KCTD8: variants seen among roughly 807,000 people sequenced by gnomAD.
The protein encoded by KCTD8 is BTB/POZ domain-containing protein KCTD8.
Under a neutral mutation model 31.5 loss-of-function variants are expected in KCTD8, and 27 were observed. The ratio of observed to expected loss-of-function variants is 0.86; its 90% CI spans 0.63 to 1.18. The LOEUF (loss-of-function observed/expected upper bound fraction) is 1.18. KCTD8 is among the 50% of genes most tolerant of loss of function. The pLI is 0.00. For missense variants in KCTD8, 658 were observed against 647.7 expected (o/e 1.02, Z -0.17); for synonymous variants, 290 against 280.0 (o/e 1.04, Z -0.36).
At chr4:44,272,120 AT>A (rs398107264) in intron 1 of KCTD8, among the ~76,000 whole-genome samples, 1 of 113,216 alleles carries the variant, frequency 8.8e-6, no homozygotes, top group African/African-American at 5.4e-5. Context: ...ATGGTATTAT[AT>A]TATATATATA....
chr4:44,229,522 C>T (rs888101366), intron 1 of KCTD8, among the ~76,000 whole-genome samples: 2 of 152,162 alleles, frequency 1.3e-5, no homozygotes, highest in African/African-American at 2.4e-5. Context: ...GGGCACTGCA[C>T]ATGTGGGCAG....
chr4:44,200,941 A>AAGTTAT (rs1714128420), intron 1 of KCTD8, among the ~76,000 whole-genome samples: 1 of 152,106 alleles, frequency 6.6e-6, no homozygotes, highest in Non-Finnish European at 1.5e-5. Flanking sequence ...CCTGAAACTG[A>AAGTTAT]TAAACAACTT....
At chr4:44,396,060 G>C (rs1454261054) in intron 1 of KCTD8, among the ~76,000 whole-genome samples, 1 of 152,044 alleles carries the variant, frequency 6.6e-6, no homozygotes, top group Non-Finnish European at 1.5e-5. Context: ...ATCAGTGGGA[G>C]CCCTGAGCTT....
intron 1 of KCTD8, among the ~76,000 whole-genome samples, chr4:44,235,577 TTAGAG>T (rs1560402141): frequency 0.011 from 440 of 38,736 alleles, no homozygotes; most frequent in African/African-American, 0.032. Flanking sequence ...ATATATATAT[TTAGAG>T]AGAGAGAGAG....
chr4:44,391,920 T>G (rs1004209303), intron 1 of KCTD8, among the ~76,000 whole-genome samples: 3 of 151,988 alleles, frequency 2.0e-5, no homozygotes, highest in Non-Finnish European at 4.4e-5. Context: ...CAAATCAGTC[T>G]TCTTAAATTT....
intron 1 of KCTD8, among the ~76,000 whole-genome samples, chr4:44,188,210 C>A (rs941286901): frequency 6.6e-6 from 1 of 152,118 alleles, no homozygotes; most frequent in African/African-American, 2.4e-5. Flanking sequence ...AATATGAGTG[C>A]CGCTTCTTTT....
intron 1 of KCTD8, among the ~76,000 whole-genome samples, chr4:44,203,801 A>G (rs1166255096): frequency 1.3e-5 from 2 of 151,928 alleles, no homozygotes; most frequent in Non-Finnish European, 2.9e-5. Flanking sequence ...ACGATATAAT[A>G]TTAATAAGTT....
intron 1 of KCTD8, among the ~76,000 whole-genome samples, chr4:44,401,105 A>G (rs1205486408): frequency 7.1e-6 from 1 of 141,764 alleles, no homozygotes; most frequent in Non-Finnish European, 1.5e-5. Context: ...CTCCCAACTC[A>G]GCCTCCCAAA....
rs1714235294 is a variant in KCTD8, at chr4:44,204,231, T to C, written c.962-28981A>G. On this transcript the variant is annotated intron_variant, in intron 1 of 1. Transcript: ENST00000360029. ...ACTTCAGAGTGAAGTATCAGAAGTA[T>C]TTCCATTTAAGGTAGGAGACCACCC... is the stretch of plus-strand genomic sequence containing the variant. 2.0e-5 allele frequency among the ~76,000 whole-genome samples: 3 copies of C among 152,158 alleles called. No individual in the cohort carries two copies. The South Asian group carries it at 6.2e-4, about 32-fold the overall frequency.
chr4:44,342,330 C>G (rs1718923894), intron 1 of KCTD8, among the ~76,000 whole-genome samples: 1 of 142,268 alleles, frequency 7.0e-6, no homozygotes, highest in Non-Finnish European at 1.5e-5. Flanking sequence ...GATTGGGCCA[C>G]TGTACTCCAG....
chr4:44,316,835 G>GAAA (rs1718131384), intron 1 of KCTD8, among the ~76,000 whole-genome samples: 1 of 132,474 alleles, frequency 7.5e-6, no homozygotes, highest in Non-Finnish European at 1.6e-5. Context: ...AAGATAAGCC[G>GAAA]AGCTTGGTGG....
At chr4:44,360,054 G>T (rs928070644) in intron 1 of KCTD8, among the ~76,000 whole-genome samples, 3 of 151,906 alleles carry the variant, frequency 2.0e-5, no homozygotes, top group African/African-American at 7.2e-5. Flanking sequence ...TGATACAGGG[G>T]ACTAGGAATG....
In KCTD8 at chr4:44,275,996, T is replaced by A. The variant is rs573421243; in HGVS notation, c.962-100746A>T. Among the ~76,000 whole-genome samples the A allele has an allele frequency of 9.2e-5, 14 of 151,464 alleles. No individual in the cohort carries two copies. The East Asian group carries it at 2.7e-3, about 29-fold the overall frequency. ...ATAACTGAACTTGATTAAAATATGG[T>A]TTCTTATTTCATGAGAGTCAGTAAA... is the stretch of plus-strand genomic sequence containing the variant. On this transcript the variant is annotated intron_variant, in intron 1 of 1. Transcript: ENST00000360029.
chr4:44,334,125 C>T (rs1223204431), intron 1 of KCTD8, among the ~76,000 whole-genome samples: 1 of 151,980 alleles, frequency 6.6e-6, no homozygotes. Context: ...ACTTAGCACC[C>T]TACAGAGAGA....
chr4:44,354,048 C>T (rs1719282247), intron 1 of KCTD8, among the ~76,000 whole-genome samples: 1 of 152,058 alleles, frequency 6.6e-6, no homozygotes, highest in Non-Finnish European at 1.5e-5. Context: ...AACATCCTTC[C>T]ATAACTCCCC....
Position 44,448,539 on chromosome 4 carries a change from G to A in KCTD8, c.-16C>T, listed in dbSNP as rs370751838. 1.5e-4 allele frequency: 211 copies of A among 1,452,058 alleles called. 1 individual carries two copies. Among genetic ancestry groups the A allele is most frequent in the Non-Finnish European group, 5.2e-5 (58 of 1,107,166 alleles). 89.9% of individuals were successfully genotyped at this position (1,452,058 alleles called of 1,614,324 possible). ...TCAGAGCCATAGTCCCCCCGCCGCC[G>A]GCCCAGTGACCCGAGAGAGCTGCAC... On this transcript the variant is annotated 5_prime_UTR_variant, in exon 1 of 2. Coordinates refer to ENST00000360029, the MANE Select transcript of KCTD8 (RefSeq NM_198353.3). The surrounding 1 kb of genome is among the most constrained non-coding windows in gnomAD (Gnocchi z 4.1).
At chr4:44,246,282 T>G (rs879309808) in intron 1 of KCTD8, among the ~76,000 whole-genome samples, 29 of 152,044 alleles carry the variant, frequency 1.9e-4, no homozygotes, top group Non-Finnish European at 3.2e-4. Flanking sequence ...TTGAAGTCAT[T>G]AGGTTTGAAC....
At chr4:44,197,087 C>A (rs933895727) in intron 1 of KCTD8, among the ~76,000 whole-genome samples, 1 of 152,082 alleles carries the variant, frequency 6.6e-6, no homozygotes, top group African/African-American at 2.4e-5. Context: ...GCTCTGTGTT[C>A]CCCCGGAAAA....
chr4:44,287,127 AATTTAGAGGCTGG>A (rs1267451336), intron 1 of KCTD8, among the ~76,000 whole-genome samples: 1 of 152,056 alleles, frequency 6.6e-6, no homozygotes, highest in Non-Finnish European at 1.5e-5. Context: ...TAAAATTGAG[AATTTAGAGGCTGG>A]GTGTGGTGGC....
Sources: allele counts gnomAD v4.1 joint callset (sites outside exome capture counted in the v4.1 genomes callset), GRCh38; gene constraint gnomAD v4.1.1; non-coding constraint Gnocchi (gnomAD v3.1); transcripts MANE v1.5; gene names NCBI Gene and HGNC (gene_info 2026-07-23, HGNC 2026-07-21).